Variants in GOPC observed in about 807,000 individuals in gnomAD.
The protein encoded by GOPC is golgi associated PDZ and coiled-coil motif containing, also known as Golgi-associated PDZ and coiled-coil motif-containing protein.
Under a neutral mutation model 51.2 loss-of-function variants are expected in GOPC, and 32 were observed. That is an observed-to-expected ratio of 0.63 (90% confidence interval 0.47 to 0.84). The LOEUF (loss-of-function observed/expected upper bound fraction) is 0.84, where lower values mean the gene tolerates loss of function less well. GOPC is among the 40% of genes least tolerant of loss of function. GOPC has a pLI of 0.00. For missense variants in GOPC, 441 were observed against 555.5 expected (o/e 0.79, Z 2.07); for synonymous variants, 190 against 205.1 (o/e 0.93, Z 0.63).
At chr6:117,599,019 A>T (rs960047507) in intron 1 of GOPC, among the ~76,000 whole-genome samples, 2 of 152,156 alleles carry the variant, frequency 1.3e-5, no homozygotes, top group African/African-American at 4.8e-5. Context: ...AGATGCGACT[A>T]TTATGTCAAT....
intron 8 of GOPC, among the ~76,000 whole-genome samples, chr6:117,564,149 T>TA (rs1779646374): frequency 6.6e-6 from 1 of 152,076 alleles, no homozygotes; most frequent in African/African-American, 2.4e-5. Flanking sequence ...AGCTATATTT[T>TA]AAAAATTTTT....
At chr6:117,591,459 G>A (rs146709591) in intron 1 of GOPC, among the ~76,000 whole-genome samples, 11 of 152,332 alleles carry the variant, frequency 7.2e-5, no homozygotes, top group African/African-American at 2.4e-4. Flanking sequence ...ATAGTACAAT[G>A]TAACAAATCT....
intron 1 of GOPC, among the ~76,000 whole-genome samples, chr6:117,600,948 GGAGA>G (rs564436424): frequency 6.6e-6 from 1 of 152,184 alleles, no homozygotes; most frequent in African/African-American, 2.4e-5. Flanking sequence ...ATGGCTAATA[GGAGA>G]GAAAGAATGC....
intron 5 of GOPC, among the ~76,000 whole-genome samples, chr6:117,572,896 A>G (rs1253455052): frequency 6.6e-6 from 1 of 152,238 alleles, no homozygotes; most frequent in African/African-American, 2.4e-5. Context: ...ACATGCTTTC[A>G]TATATTAAGG....
At chr6:117,586,801 G>C (rs143443836) in intron 1 of GOPC, among the ~76,000 whole-genome samples, 153 of 152,232 alleles carry the variant, frequency 1.0e-3, no homozygotes, top group African/African-American at 3.6e-3. Context: ...AGACAACAGA[G>C]GCAGAACCAT....
At chr6:117,567,867 A>C (rs1779729373) in intron 7 of GOPC, among the ~76,000 whole-genome samples, 2 of 151,992 alleles carry the variant, frequency 1.3e-5, no homozygotes, top group South Asian at 4.2e-4. Context: ...TTGTACTGTC[A>C]TTCTTTAACA....
rs567923693 is a variant in GOPC, at chr6:117,563,318, G to A, written c.1325C>T (p.Pro442Leu). ...NGDLGTASET[P>L]LDDGASKLDD... ...TAATTTTGAAGCACCGTCATCTAGC[G>A]GAGTTTCACTTGCAGTGCCCAGGTC... is the stretch of plus-strand genomic sequence containing the variant. Residue 442 changes from proline (P) to leucine (L), a missense_variant, in exon 9 of 9, where the codon CCG becomes CTG. Pro to Leu is a moderately conservative substitution (Grantham distance 98, BLOSUM62 -3). This residue lies in a region of GOPC where 71 missense variants were observed against 68.8 expected (regional missense o/e 1.03). Coordinates refer to ENST00000368498, the MANE Select transcript of GOPC (RefSeq NM_020399.4). 5.6e-6 allele frequency: 9 copies of A among 1,612,590 alleles called. No individual in the cohort carries two copies. The African/African-American group carries it at 8.0e-5, about 14-fold the overall frequency.
At position 117,571,701 on chromosome 6, in the gene GOPC, TA is replaced by T. The variant is rs574322415; in HGVS notation, c.817-747del. ...GTCTCTGTAATTAGAGTTTTGCCCC[TA>T]CATGCACAACTGGAATTTTCTTTTC... On this transcript the variant is annotated intron_variant, in intron 5 of 8. Coordinates refer to ENST00000368498, the MANE Select transcript of GOPC (RefSeq NM_020399.4). Among the ~76,000 whole-genome samples the T allele has an allele frequency of 3.9e-5, 6 of 152,302 alleles. No homozygotes were observed. In the East Asian group the frequency reaches 1.2e-3, roughly 29 times the overall value.
intron 1 of GOPC, among the ~76,000 whole-genome samples, chr6:117,587,110 TTC>T (rs1780044062): frequency 6.6e-6 from 1 of 152,180 alleles, no homozygotes; most frequent in Non-Finnish European, 1.5e-5. Flanking sequence ...TCCTCCTTAC[TTC>T]AGGTCAGCTC....
intron 8 of GOPC, among the ~76,000 whole-genome samples, chr6:117,566,174 G>A (rs1779692664): frequency 6.6e-6 from 1 of 152,092 alleles, no homozygotes; most frequent in Non-Finnish European, 1.5e-5. Flanking sequence ...TACCCCAATT[G>A]CTTTTGCATC....
intron 7 of GOPC, among the ~76,000 whole-genome samples, chr6:117,568,148 C>T (rs921366732): frequency 2.0e-5 from 3 of 151,794 alleles, no homozygotes; most frequent in Admixed American, 6.6e-5. Flanking sequence ...TGCAGTGGTC[C>T]GTAATTGTGC....
At chr6:117,601,242 A>T (rs1200599314) in intron 1 of GOPC, among the ~76,000 whole-genome samples, 1 of 152,184 alleles carries the variant, frequency 6.6e-6, no homozygotes, top group Non-Finnish European at 1.5e-5. Flanking sequence ...GCACAATATG[A>T]TATTTTTGTT....
At chr6:117,596,140 T>C (rs898073349) in intron 1 of GOPC, among the ~76,000 whole-genome samples, 1 of 152,182 alleles carries the variant, frequency 6.6e-6, no homozygotes, top group African/African-American at 2.4e-5. Context: ...TGCATTCCTC[T>C]GATCATTAGT....
chr6:117,578,652 T>C (rs1779916549), intron 2 of GOPC, among the ~76,000 whole-genome samples: 1 of 152,082 alleles, frequency 6.6e-6, no homozygotes, highest in South Asian at 2.1e-4. Context: ...ATCACAAATA[T>C]CTTTTAAACA....
chr6:117,577,119 T>G (rs758188676), intron 3 of GOPC, among the ~76,000 whole-genome samples: 2 of 152,092 alleles, frequency 1.3e-5, no homozygotes, highest in African/African-American at 2.4e-5. Context: ...TAAGCCTGCT[T>G]GATATATCTT....
At chr6:117,565,254 C>T (rs1779672477) in intron 8 of GOPC, among the ~76,000 whole-genome samples, 1 of 152,120 alleles carries the variant, frequency 6.6e-6, no homozygotes, top group Non-Finnish European at 1.5e-5. Context: ...GCTGTATTTT[C>T]ATATATCTGC....
intron 1 of GOPC, among the ~76,000 whole-genome samples, chr6:117,597,046 T>A (rs971453386): frequency 6.6e-6 from 1 of 152,242 alleles, no homozygotes; most frequent in Admixed American, 6.5e-5. Context: ...TTTGTTTGTA[T>A]CACCTATGAT....
At chr6:117,579,381 C>G (rs991876094) in intron 1 of GOPC, among the ~76,000 whole-genome samples, 1 of 152,032 alleles carries the variant, frequency 6.6e-6, no homozygotes, top group African/African-American at 2.4e-5. Flanking sequence ...TATGAAAACA[C>G]AAAACTATGA....
At chr6:117,563,531 G>A (rs1779630410) in intron 8 of GOPC, 147 bp from the exon 9 acceptor site, 1 of 673,658 alleles carries the variant, frequency 1.5e-6, no homozygotes. Flanking sequence ...AGACCAGCCT[G>A]GACAATGTGG....
Sources: allele counts gnomAD v4.1 joint callset (sites outside exome capture counted in the v4.1 genomes callset), GRCh38; gene constraint gnomAD v4.1.1; regional missense constraint gnomAD v4.1.1; transcripts MANE v1.5; gene names NCBI Gene and HGNC (gene_info 2026-07-23, HGNC 2026-07-21).